Variants in TBC1D23 observed in about 807,000 individuals in gnomAD.
TBC1D23 encodes the protein HCV non-structural protein 4A-transactivated protein 1.
In TBC1D23, 55 loss-of-function variants were observed where a neutral mutation model predicts 91.4. The ratio of observed to expected loss-of-function variants is 0.60; its 90% CI spans 0.48 to 0.75. The LOEUF (loss-of-function observed/expected upper bound fraction) is 0.75. TBC1D23 is among the 30% of genes least tolerant of loss of function. The probability of loss-of-function intolerance (pLI) is 0.00; values close to 1 mark genes in which losing one functional copy is unlikely to be tolerated. For synonymous variants in TBC1D23, 289 were observed against 281.0 expected (o/e 1.03, Z -0.28); for missense variants, 725 against 836.1 (o/e 0.87, Z 1.64).
At position 100,288,927 on chromosome 3, in the gene TBC1D23, C is replaced by T. The variant is rs540833271; in HGVS notation, c.477-1651C>T. On this transcript the variant is annotated intron_variant, in intron 4 of 18. Transcript: ENST00000394144. ...AACTGTACGGGTTAAAAAGTAACTA[C>T]CTCTGGCCCGGCATGGTGGCTCATG... Among the ~76,000 whole-genome samples, 5 of 152,230 alleles carry T rather than the reference C, an allele frequency of 3.3e-5. No individual in the cohort carries two copies. In the East Asian group the frequency reaches 9.6e-4, roughly 29 times the overall value.
chr3:100,293,637 T>G (rs2067812365), intron 5 of TBC1D23, among the ~76,000 whole-genome samples: 1 of 152,228 alleles, frequency 6.6e-6, no homozygotes, highest in African/African-American at 2.4e-5. Flanking sequence ...GTAATCGTAA[T>G]TTTTAAAGCA....
chr3:100,316,266 C>T, intron 16 of TBC1D23, 79 bp downstream of exon 16: 1 of 963,728 alleles, frequency 1.0e-6, no homozygotes, highest in Non-Finnish European at 1.6e-6. Flanking sequence ...AATAGCCAAT[C>T]AACTGCTTTT....
intron 12 of TBC1D23, among the ~76,000 whole-genome samples, chr3:100,305,646 G>A (rs1705504814): frequency 6.6e-6 from 1 of 152,094 alleles, no homozygotes; most frequent in African/African-American, 2.4e-5. Context: ...TTTAATCATG[G>A]GAGTTAGGCT....
chr3:100,278,560 G>A (rs1328584983), intron 1 of TBC1D23, among the ~76,000 whole-genome samples: 1 of 151,714 alleles, frequency 6.6e-6, no homozygotes, highest in Non-Finnish European at 1.5e-5. Context: ...AATTTTTTGT[G>A]TTTTTAGTAG....
intron 15 of TBC1D23, among the ~76,000 whole-genome samples, chr3:100,315,391 A>G (rs1705724009): frequency 6.6e-6 from 1 of 151,958 alleles, no homozygotes; most frequent in African/African-American, 2.4e-5. Flanking sequence ...TGAACTCCCG[A>G]CCTCAGGTGA....
chr3:100,291,965 A>C (rs1039089242), intron 5 of TBC1D23, among the ~76,000 whole-genome samples: 2 of 152,046 alleles, frequency 1.3e-5, no homozygotes, highest in Non-Finnish European at 2.9e-5. Context: ...GGGTTTCACC[A>C]CGATGGCCAG....
intron 13 of TBC1D23, among the ~76,000 whole-genome samples, chr3:100,308,052 C>T (rs572106436): frequency 1.3e-5 from 2 of 152,292 alleles, no homozygotes; most frequent in East Asian, 3.9e-4. Context: ...CTGATTGAGG[C>T]TATTTTAGAA....
rs142679306 is a variant in TBC1D23, at chr3:100,275,801, A to G, written c.54-3848A>G. On this transcript the variant is annotated intron_variant, in intron 1 of 18. Coordinates refer to ENST00000394144, the MANE Select transcript of TBC1D23 (RefSeq NM_001199198.3). ...AATGGATGGATAAGTAAAATATGGT[A>G]TATTCATATACAATGGACTATTATT... 3.2e-4 allele frequency among the ~76,000 whole-genome samples: 48 copies of G among 152,366 alleles called. No homozygotes were observed. In the East Asian group the frequency reaches 9.2e-3, roughly 29 times the overall value.
intron 5 of TBC1D23, 98 bp from the exon 6 acceptor site, chr3:100,294,989 A>C: frequency 8.4e-7 from 1 of 1,195,862 alleles, no homozygotes. Flanking sequence ...AGGTGCAGAT[A>C]ATTTGATATA....
At chr3:100,279,504 C>G in intron 1 of TBC1D23, 145 bp from the exon 2 acceptor site, 1 of 477,686 alleles carries the variant, frequency 2.1e-6, no homozygotes. Context: ...AGAAAACATG[C>G]TGTGTATACC....
At chr3:100,284,934 A>C (rs2067726675) in intron 4 of TBC1D23, among the ~76,000 whole-genome samples, 1 of 152,108 alleles carries the variant, frequency 6.6e-6, no homozygotes. Flanking sequence ...AGAGCTTACT[A>C]ATTAATTTCA....
At chr3:100,306,717 G>A (rs1410397337) in intron 13 of TBC1D23, among the ~76,000 whole-genome samples, 174 bp downstream of exon 13, 1 of 152,132 alleles carries the variant, frequency 6.6e-6, no homozygotes, top group Non-Finnish European at 1.5e-5. Context: ...TATTTATTGT[G>A]AGATTAATGA....
chr3:100,322,875 C>T (rs1328751643), intron 18 of TBC1D23, among the ~76,000 whole-genome samples: 6 of 151,588 alleles, frequency 4.0e-5, no homozygotes, highest in Non-Finnish European at 8.8e-5. Context: ...GTTCTCTATT[C>T]TGCCTCGCAT....
intron 13 of TBC1D23, among the ~76,000 whole-genome samples, chr3:100,308,444 C>T (rs950485024): frequency 6.6e-6 from 1 of 150,666 alleles, no homozygotes; most frequent in African/African-American, 2.4e-5. Context: ...CACTGCACTC[C>T]AGTCTCTGGG....
rs16842059 is a variant in TBC1D23, at chr3:100,269,831, T to C, written c.53+8760T>C. ...ACCCCCAGAAATGTGGTGGCACAAATTAAGCCATGAAACCACAATTCAATA... is the reference window on the plus strand; with the variant it reads ...ACCCCCAGAAATGTGGTGGCACAAACTAAGCCATGAAACCACAATTCAATA... On this transcript the variant is annotated intron_variant, in intron 1 of 18. Transcript: ENST00000394144. Among the ~76,000 whole-genome samples the C allele has an allele frequency of 7.7e-3, 1,171 of 152,296 alleles. 21 individuals carry two copies. Among genetic ancestry groups the C allele is most frequent in the African/African-American group, 0.027 (1,123 of 41,562 alleles).
At chr3:100,302,338 T>C in intron 11 of TBC1D23, 101 bp downstream of exon 11, 7 of 1,027,244 alleles carry the variant, frequency 6.8e-6, no homozygotes, top group Non-Finnish European at 9.3e-6. Context: ...TCTGTACTTT[T>C]CTTGGTTTTG....
At position 100,299,304 on chromosome 3, in the gene TBC1D23, A is replaced by G. The variant is rs148330207; in HGVS notation, c.1065A>G (p.Ser355=). The change falls in exon 10 of 19, where the codon TCA becomes TCG. Residue 355 remains serine, a synonymous_variant. Coordinates refer to ENST00000394144, the MANE Select transcript of TBC1D23 (RefSeq NM_001199198.3). ...AACAATATAATGCTGGGCATTTATC[A>G]ACTGCTTTCCACTTAGATTCAGACC... is the stretch of plus-strand genomic sequence containing the variant. The part of the protein sequence containing the change: ...PAEQYNAGHL[S]TAFHLDSDLM... 695 of 1,611,604 alleles carry G rather than the reference A, an allele frequency of 4.3e-4. No homozygotes were observed. The highest frequency in any genetic ancestry group is 5.6e-4 in the South Asian group (51 of 90,996).
intron 10 of TBC1D23, 115 bp downstream of exon 10, chr3:100,299,446 C>A: frequency 1.9e-6 from 1 of 514,968 alleles, no homozygotes; most frequent in Non-Finnish European, 3.4e-6. Context: ...AGGAGGGAGT[C>A]TCTGCCCTTA....
intron 15 of TBC1D23, among the ~76,000 whole-genome samples, chr3:100,312,314 G>A (rs2148869611): frequency 6.6e-6 from 1 of 152,136 alleles, no homozygotes; most frequent in South Asian, 2.1e-4. Context: ...GTTAATTTGT[G>A]TACATTATGT....
Sources: gnomAD v4.1 joint callset for allele counts (sites outside exome capture counted in the v4.1 genomes callset) on GRCh38, gnomAD v4.1.1 for gene constraint, MANE v1.5 for transcripts, NCBI Gene and HGNC (gene_info 2026-07-23, HGNC 2026-07-21) for gene names.